Variants in VPS13D observed in about 807,000 individuals in gnomAD.
VPS13D encodes the protein vacuolar protein sorting 13 homolog D.
VPS13D carries 187 observed loss-of-function variants against 461.9 expected under a neutral mutation model. The ratio of observed to expected loss-of-function variants is 0.40; its 90% CI spans 0.36 to 0.46. The LOEUF (loss-of-function observed/expected upper bound fraction) is 0.46, where lower values mean the gene tolerates loss of function less well. VPS13D is among the 20% of genes least tolerant of loss of function. VPS13D has a pLI of 0.60. For synonymous variants in VPS13D, 1,951 were observed against 1,986.3 expected (o/e 0.98, Z 0.47); for missense variants, 4,711 against 5,364.9 (o/e 0.88, Z 3.81).
chr1:12,498,947 G>A (rs1326434669), intron 68 of VPS13D, among the ~76,000 whole-genome samples: 4 of 152,118 alleles, frequency 2.6e-5, no homozygotes, highest in Non-Finnish European at 2.9e-5. Flanking sequence ...CATATGAATT[G>A]GCGGGGAGGG....
At chr1:12,359,977 T>A (rs1643925881) in intron 50 of VPS13D, among the ~76,000 whole-genome samples, 1 of 152,192 alleles carries the variant, frequency 6.6e-6, no homozygotes, top group South Asian at 2.1e-4. Flanking sequence ...GAAGCTGTAG[T>A]TGGGACAAAT....
chr1:12,288,215 G>A lies in VPS13D; in HGVS notation c.5635-8G>A, dbSNP rs1311665848. 2 of 1,610,716 alleles carry A rather than the reference G, an allele frequency of 1.2e-6. No individual in the cohort carries two copies. The highest frequency in any genetic ancestry group is 1.7e-5 in the Admixed American group (1 of 59,942). On this transcript the variant is annotated splice_region_variant and splice_polypyrimidine_tract_variant and intron_variant, in intron 21 of 69. Transcript: ENST00000620676. Reference sequence around the variant, plus strand: ...ATATTGGCCTTGCTTTATCTTGTCTGTTCCTAGGTTCATTCACTTTCTCTA... The same window carrying A: ...ATATTGGCCTTGCTTTATCTTGTCTATTCCTAGGTTCATTCACTTTCTCTA...
At chr1:12,508,831 G>A in intron 69 of VPS13D, 62 bp from the exon 70 acceptor site, 2 of 1,584,130 alleles carry the variant, frequency 1.3e-6, no homozygotes, top group African/African-American at 1.4e-5. Context: ...CCACCTGGGT[G>A]GATCTGATTC....
intron 18 of VPS13D, among the ~76,000 whole-genome samples, chr1:12,275,576 C>T (rs537799942): frequency 4.6e-5 from 7 of 152,260 alleles, no homozygotes; most frequent in African/African-American, 2.4e-5. Flanking sequence ...CAGCAGGTGG[C>T]GCTCATGTCA....
chr1:12,404,566 C>T (rs1271263500), intron 63 of VPS13D, among the ~76,000 whole-genome samples: 1 of 152,196 alleles, frequency 6.6e-6, no homozygotes, highest in East Asian at 1.9e-4. Flanking sequence ...AGCCTGAACA[C>T]CGTCTTCATT....
intron 67 of VPS13D, among the ~76,000 whole-genome samples, chr1:12,463,469 G>T (rs1454359983): frequency 6.6e-6 from 1 of 152,176 alleles, no homozygotes; most frequent in Non-Finnish European, 1.5e-5. Context: ...GAGAGCACTT[G>T]GGCTGGGCAT....
chr1:12,322,847 AT>A, intron 34 of VPS13D, 101 bp downstream of exon 34: 4 of 964,846 alleles, frequency 4.1e-6, no homozygotes, highest in Non-Finnish European at 6.2e-6. Flanking sequence ...ACACAGTTTA[AT>A]TGTATGTCAT....
At chr1:12,493,288 G>A (rs1408389232) in intron 67 of VPS13D, among the ~76,000 whole-genome samples, 1 of 151,490 alleles carries the variant, frequency 6.6e-6, no homozygotes, top group African/African-American at 2.4e-5. Context: ...GGAGACCATC[G>A]TGGCTAACAC....
At chr1:12,337,519 T>C (rs1643477903) in intron 39 of VPS13D, 1 of 152,232 alleles carries the variant, frequency 6.6e-6, no homozygotes, top group African/African-American at 2.4e-5. Flanking sequence ...TGCTGCTTTC[T>C]CACTGTTTCT....
chr1:12,493,562 T>G lies in VPS13D; in HGVS notation c.12663-3938T>G, dbSNP rs72869519. Among the ~76,000 whole-genome samples the G allele has an allele frequency of 4.1e-3, 628 of 152,038 alleles. 5 individuals carry two copies. The highest frequency in any genetic ancestry group is 0.014 in the African/African-American group (591 of 41,478). ...TACTGGAACATACAGGAAAGTCACT[T>G]AAAAATGGACACACTGTCACTGAGC... On this transcript the variant is annotated intron_variant, in intron 67 of 69. Coordinates refer to ENST00000620676, the MANE Select transcript of VPS13D (RefSeq NM_015378.4).
intron 60 of VPS13D, among the ~76,000 whole-genome samples, chr1:12,395,192 TCTC>T: frequency 6.6e-6 from 1 of 152,232 alleles, no homozygotes; most frequent in Non-Finnish European, 1.5e-5. Flanking sequence ...ATAGGATTCA[TCTC>T]CTCAGACAAA....
Position 12,291,664 on chromosome 1 carries a change from A to G in VPS13D, c.5852+540A>G, listed in dbSNP as rs540044088. On this transcript the variant is annotated intron_variant, in intron 23 of 69. Coordinates refer to ENST00000620676, the MANE Select transcript of VPS13D (RefSeq NM_015378.4). ...CCCACCCCAGATAGGGTATGATTGA[A>G]TATTTCTGATTATTAAAAGCCCTGG... is the stretch of plus-strand genomic sequence containing the variant. Among the ~76,000 whole-genome samples the G allele has an allele frequency of 1.1e-4, 16 of 152,286 alleles. No individual in the cohort carries two copies. The South Asian group carries it at 2.7e-3, about 26-fold the overall frequency.
At chr1:12,437,731 G>T (rs886825895) in intron 65 of VPS13D, among the ~76,000 whole-genome samples, 3 of 152,144 alleles carry the variant, frequency 2.0e-5, no homozygotes, top group African/African-American at 7.2e-5. Context: ...TAGACTAAAA[G>T]TGGATGTTTA....
At chr1:12,428,955 G>T (rs1338410855) in intron 65 of VPS13D, among the ~76,000 whole-genome samples, 2 of 152,224 alleles carry the variant, frequency 1.3e-5, no homozygotes, top group African/African-American at 4.8e-5. Flanking sequence ...ACAGTTCCAT[G>T]AGAGAAGTGC....
chr1:12,257,216 C>A, intron 9 of VPS13D, 129 bp downstream of exon 9: 1 of 718,722 alleles, frequency 1.4e-6, no homozygotes, highest in Non-Finnish European at 2.4e-6. Context: ...TTTTTCTGGT[C>A]CTTGGAATGC....
At chr1:12,253,459 G>A (rs995917998) in intron 6 of VPS13D, among the ~76,000 whole-genome samples, 5 of 152,148 alleles carry the variant, frequency 3.3e-5, no homozygotes, top group African/African-American at 9.7e-5. Context: ...GCACAGTGAC[G>A]TTTTCTTGTT....
intron 7 of VPS13D, among the ~76,000 whole-genome samples, chr1:12,255,307 T>G (rs922143968): frequency 2.0e-5 from 3 of 152,206 alleles, no homozygotes; most frequent in African/African-American, 7.2e-5. Context: ...TATGCAGCTA[T>G]AAATAATAAA....
At chr1:12,437,303 C>CT (rs1645074795) in intron 65 of VPS13D, among the ~76,000 whole-genome samples, 1 of 152,096 alleles carries the variant, frequency 6.6e-6, no homozygotes, top group Admixed American at 6.5e-5. Context: ...AGGAAACAAA[C>CT]TAAGGGTCCT....
At chr1:12,368,686 C>A in intron 53 of VPS13D, 95 bp downstream of exon 53, 1 of 1,400,584 alleles carries the variant, frequency 7.1e-7, no homozygotes, top group Non-Finnish European at 9.4e-7. Context: ...ACATTTTCAA[C>A]TTGGGTTTAA....
Sources: allele counts gnomAD v4.1 joint callset (sites outside exome capture counted in the v4.1 genomes callset), GRCh38; gene constraint gnomAD v4.1.1; transcripts MANE v1.5; gene names NCBI Gene and HGNC (gene_info 2026-07-23, HGNC 2026-07-21).